PTPRD: variants seen among roughly 807,000 people sequenced by gnomAD.
PTPRD encodes the protein protein tyrosine phosphatase receptor type D.
Under a neutral mutation model 214.5 loss-of-function variants are expected in PTPRD, and 34 were observed. The observed-to-expected ratio is 0.16, with a 90% CI of 0.12 to 0.21. The LOEUF (loss-of-function observed/expected upper bound fraction) is 0.21. Ranked by LOEUF, PTPRD falls within the 10% of genes least tolerant of loss-of-function variation. The pLI is 1.00. For synonymous variants in PTPRD, 1,128 were observed against 845.7 expected, an observed-to-expected ratio of 1.33 and a Z score of -5.79; for missense variants, 2,545 against 2,398.7, an observed-to-expected ratio of 1.06 and a Z score of -1.27.
chr9:9,755,024 T>C (rs540569698), intron 6 of PTPRD, among the ~76,000 whole-genome samples: 44 of 152,136 alleles, frequency 2.9e-4, no homozygotes, highest in African/African-American at 1.0e-3. Flanking sequence ...ACCTGGAATA[T>C]TGTACTGCAG....
At chr9:9,163,381 C>T (rs947627629) in intron 10 of PTPRD, among the ~76,000 whole-genome samples, 5 of 152,056 alleles carry the variant, frequency 3.3e-5, no homozygotes, top group East Asian at 1.9e-4. Flanking sequence ...CTCTTGTGTT[C>T]TCTATCTCAG....
At chr9:8,421,603 T>C (rs1426801715) in intron 35 of PTPRD, among the ~76,000 whole-genome samples, 2 of 152,136 alleles carry the variant, frequency 1.3e-5, no homozygotes, top group East Asian at 1.9e-4. Context: ...GACAGGCACC[T>C]GTATCACCCT....
chr9:9,723,898 T>C (rs1168065505), intron 7 of PTPRD, among the ~76,000 whole-genome samples: 1 of 152,092 alleles, frequency 6.6e-6, no homozygotes, highest in Non-Finnish European at 1.5e-5. Context: ...AGTTCTGATA[T>C]ATATTTAAGT....
chr9:9,818,980 A>G (rs1456863292), intron 5 of PTPRD, among the ~76,000 whole-genome samples: 1 of 152,014 alleles, frequency 6.6e-6, no homozygotes, highest in Non-Finnish European at 1.5e-5. Flanking sequence ...GTAATAGCTG[A>G]CAAAGATTTA....
intron 7 of PTPRD, among the ~76,000 whole-genome samples, chr9:9,709,048 G>A (rs2097678363): frequency 6.6e-6 from 1 of 151,914 alleles, no homozygotes; most frequent in Admixed American, 6.6e-5. Context: ...ATGAGTGAAT[G>A]AATGTCAATA....
chr9:8,639,133 G>A (rs915528811), intron 12 of PTPRD, among the ~76,000 whole-genome samples: 1 of 152,134 alleles, frequency 6.6e-6, no homozygotes, highest in Non-Finnish European at 1.5e-5. Context: ...GAGCCACCAC[G>A]CCCGGCCTCA....
At chr9:10,140,024 A>G (rs1386480138) in intron 3 of PTPRD, among the ~76,000 whole-genome samples, 1 of 152,028 alleles carries the variant, frequency 6.6e-6, no homozygotes, top group Non-Finnish European at 1.5e-5. Flanking sequence ...AACAAAAACA[A>G]AAATTAACAA....
At chr9:9,956,856 AT>A (rs1341718231) in intron 4 of PTPRD, among the ~76,000 whole-genome samples, 11 of 152,206 alleles carry the variant, frequency 7.2e-5, no homozygotes, top group Admixed American at 7.2e-4. Context: ...AGCACATAAA[AT>A]GTATGAATAA....
At chr9:8,391,904 G>C (rs1008211844) in intron 36 of PTPRD, among the ~76,000 whole-genome samples, 2 of 150,392 alleles carry the variant, frequency 1.3e-5, no homozygotes, top group African/African-American at 4.8e-5. Context: ...ATGTTAATCA[G>C]TTATTATGTA....
intron 12 of PTPRD, chr9:8,700,700 A>C (rs1304154986): frequency 6.6e-6 from 1 of 152,204 alleles, no homozygotes; most frequent in Non-Finnish European, 1.5e-5. Context: ...GCAGTGAACA[A>C]ATCCACACAC....
At chr9:10,070,058 T>C (rs2097970574) in intron 3 of PTPRD, among the ~76,000 whole-genome samples, 3 of 152,040 alleles carry the variant, frequency 2.0e-5, no homozygotes, top group Non-Finnish European at 2.9e-5. Flanking sequence ...AGCAGGGGAA[T>C]GTCAAAGATT....
intron 9 of PTPRD, among the ~76,000 whole-genome samples, chr9:9,267,034 A>T (rs1940159601): frequency 1.3e-5 from 2 of 151,332 alleles, no homozygotes; most frequent in Admixed American, 6.6e-5. Context: ...AGAAAAGAAC[A>T]TCAACAAACT....
intron 11 of PTPRD, among the ~76,000 whole-genome samples, chr9:8,967,460 G>C (rs1226360177): frequency 1.3e-5 from 2 of 152,014 alleles, no homozygotes; most frequent in Non-Finnish European, 2.9e-5. Flanking sequence ...AGAAAATGTG[G>C]TACATATATA....
At chr9:9,816,178 T>C (rs1396614983) in intron 5 of PTPRD, among the ~76,000 whole-genome samples, 2 of 152,144 alleles carry the variant, frequency 1.3e-5, no homozygotes, top group Non-Finnish European at 1.5e-5. Flanking sequence ...AAATATTTGT[T>C]TTCTTGGCTA....
chr9:8,548,729 T>C (rs547344014), intron 14 of PTPRD, among the ~76,000 whole-genome samples: 1 of 131,768 alleles, frequency 7.6e-6, no homozygotes, highest in South Asian at 2.6e-4. Flanking sequence ...AGTTTCTCTC[T>C]TGTTGCCCAG....
At chr9:8,853,700 C>A (rs2097860321) in intron 11 of PTPRD, among the ~76,000 whole-genome samples, 1 of 152,196 alleles carries the variant, frequency 6.6e-6, no homozygotes, top group Non-Finnish European at 1.5e-5. Context: ...CATAGGAATT[C>A]TCAATCTTGT....
At chr9:9,237,922 T>C (rs1438179617) in intron 9 of PTPRD, among the ~76,000 whole-genome samples, 1 of 152,208 alleles carries the variant, frequency 6.6e-6, no homozygotes, top group Non-Finnish European at 1.5e-5. Context: ...TAAGAACTGT[T>C]CCTTCCATTT....
At chr9:9,931,376 G>A (rs1375905041) in intron 5 of PTPRD, among the ~76,000 whole-genome samples, 2 of 152,164 alleles carry the variant, frequency 1.3e-5, no homozygotes, top group East Asian at 3.9e-4. Flanking sequence ...CGTGCACCGT[G>A]CGTGAGCCGA....
chr9:9,244,943 A>G (rs921652077), intron 9 of PTPRD, among the ~76,000 whole-genome samples: 14 of 152,198 alleles, frequency 9.2e-5, no homozygotes, highest in African/African-American at 3.4e-4. Context: ...TGTACAAGAA[A>G]AAAGCAAACA....
Sources: allele counts gnomAD v4.1 joint callset (sites outside exome capture counted in the v4.1 genomes callset), GRCh38; gene constraint gnomAD v4.1.1; transcripts MANE v1.5; gene names NCBI Gene and HGNC (gene_info 2026-07-23, HGNC 2026-07-21).